TP63: variants seen among roughly 807,000 people sequenced by gnomAD.
TP63 encodes tumor protein 63.
A neutral mutation model predicts 82.8 loss-of-function variants in TP63; 17 were observed. That is an observed-to-expected ratio of 0.21 (90% CI 0.14 to 0.31). TP63 has a LOEUF of 0.31. TP63 is among the 10% of genes least tolerant of loss of function. TP63 has a pLI of 1.00. For synonymous variants in TP63, 330 were observed against 321.7 expected, an observed-to-expected ratio of 1.03 and a Z score of -0.28; for missense variants, 648 against 895.3, an observed-to-expected ratio of 0.72 and a Z score of 3.52.
At chr3:189,647,197 G>T (rs570067920) in intron 1 of TP63, among the ~76,000 whole-genome samples, 1 of 146,648 alleles carries the variant, frequency 6.8e-6, no homozygotes, top group African/African-American at 2.6e-5. Flanking sequence ...GGTAAGGAGG[G>T]TTGCTATAAG....
intron 1 of TP63, among the ~76,000 whole-genome samples, chr3:189,725,108 A>G (rs1464728638): frequency 6.6e-6 from 1 of 152,216 alleles, no homozygotes; most frequent in Non-Finnish European, 1.5e-5. Flanking sequence ...CATTGTGAAA[A>G]AAAGTCTAAA....
chr3:189,876,330 G>A (rs765831745), intron 10 of TP63, among the ~76,000 whole-genome samples: 2 of 152,044 alleles, frequency 1.3e-5, no homozygotes, highest in Non-Finnish European at 2.9e-5. Context: ...AGTGCTTATT[G>A]TCTGACCGGC....
intron 4 of TP63, among the ~76,000 whole-genome samples, chr3:189,834,958 G>T (rs1712918098): frequency 6.7e-6 from 1 of 149,678 alleles, no homozygotes; most frequent in South Asian, 2.1e-4. Flanking sequence ...AGAGAACTGG[G>T]TCATATGTCT....
chr3:189,814,236 A>G (rs914364141), intron 4 of TP63, among the ~76,000 whole-genome samples: 2 of 152,220 alleles, frequency 1.3e-5, no homozygotes, highest in Admixed American at 1.3e-4. Flanking sequence ...GGCCCTCTGG[A>G]ATTTAGAGAC....
chr3:189,779,641 T>C (rs1275027757), intron 3 of TP63, among the ~76,000 whole-genome samples: 1 of 152,232 alleles, frequency 6.6e-6, no homozygotes, highest in Non-Finnish European at 1.5e-5. Context: ...CAGAGTAACC[T>C]GTGTAGCACA....
At chr3:189,650,114 C>G (rs917216399) in intron 1 of TP63, among the ~76,000 whole-genome samples, 13 of 146,612 alleles carry the variant, frequency 8.9e-5, no homozygotes, top group African/African-American at 3.1e-4. Flanking sequence ...ATTGACCTCA[C>G]TTAATTCTTG....
chr3:189,875,601 T>C (rs1329254282), intron 10 of TP63, among the ~76,000 whole-genome samples: 1 of 46,554 alleles, frequency 2.1e-5, no homozygotes, highest in African/African-American at 7.3e-5. Context: ...TACATATATA[T>C]ATATATATAT....
intron 4 of TP63, among the ~76,000 whole-genome samples, chr3:189,822,546 G>A (rs1294230961): frequency 6.6e-6 from 1 of 152,038 alleles, no homozygotes; most frequent in Admixed American, 6.5e-5. Context: ...TAAAATTGTT[G>A]TTCCAGGAAG....
chr3:189,675,464 C>G (rs535321878), intron 1 of TP63, among the ~76,000 whole-genome samples: 2 of 152,032 alleles, frequency 1.3e-5, no homozygotes, highest in South Asian at 4.1e-4. Context: ...TAGAATATAA[C>G]CTAAACATCA....
At chr3:189,893,733 T>G (rs143267775) in intron 13 of TP63, among the ~76,000 whole-genome samples, 4,789 of 152,274 alleles carry the variant, frequency 0.031, 108 homozygotes, top group Middle Eastern at 0.12. Context: ...TGTTTACCAC[T>G]AATCTGGGGA....
chr3:189,739,507 A>T (rs1269269585), intron 3 of TP63, among the ~76,000 whole-genome samples: 1 of 152,222 alleles, frequency 6.6e-6, no homozygotes, highest in Admixed American at 6.5e-5. Context: ...GGAGGAATTT[A>T]TGCACATGAA....
the TP63 span, among the ~76,000 whole-genome samples, chr3:189,623,206 T>C: frequency 6.6e-6 from 1 of 152,210 alleles, no homozygotes; most frequent in Non-Finnish European, 1.5e-5. Context: ...TTGTGGCTTT[T>C]ATGACTTCCT....
intron 10 of TP63, chr3:189,879,920 A>G (rs1719715523): frequency 8.5e-7 from 1 of 1,170,282 alleles, no homozygotes; most frequent in African/African-American, 1.6e-5. Flanking sequence ...GATAAATTGG[A>G]AGAACAAAAA....
At chr3:189,633,172 C>T (rs1460131322) in intron 1 of TP63, among the ~76,000 whole-genome samples, 1 of 151,940 alleles carries the variant, frequency 6.6e-6, no homozygotes, top group Non-Finnish European at 1.5e-5. Context: ...AAGCAAATGT[C>T]ATCTCAGTTT....
chr3:189,744,286 C>G (rs1721211270), intron 3 of TP63, among the ~76,000 whole-genome samples: 1 of 152,182 alleles, frequency 6.6e-6, no homozygotes, highest in African/African-American at 2.4e-5. Flanking sequence ...AAAGAACACA[C>G]TCTCAAAGCA....
intron 3 of TP63, among the ~76,000 whole-genome samples, chr3:189,761,743 A>G (rs981996719): frequency 6.6e-6 from 1 of 152,194 alleles, no homozygotes; most frequent in Non-Finnish European, 1.5e-5. Flanking sequence ...CACTACTGAT[A>G]TAGACATATC....
intron 3 of TP63, among the ~76,000 whole-genome samples, chr3:189,750,915 C>A (rs749389148): frequency 6.6e-6 from 1 of 152,062 alleles, no homozygotes; most frequent in Admixed American, 6.6e-5. Flanking sequence ...GTTTGCTGCA[C>A]CCATCAACTA....
chr3:189,775,389 G>C (rs1422983436), intron 3 of TP63, among the ~76,000 whole-genome samples: 1 of 151,994 alleles, frequency 6.6e-6, no homozygotes, highest in Non-Finnish European at 1.5e-5. Flanking sequence ...CCCAAACCTA[G>C]AGGATTCTGC....
intron 3 of TP63, among the ~76,000 whole-genome samples, chr3:189,792,435 A>G (rs912907001): frequency 1.3e-4 from 19 of 151,806 alleles, no homozygotes; most frequent in African/African-American, 4.6e-4. Flanking sequence ...ACAAAACAAA[A>G]CTGGGCTGTG....
Sources: gnomAD v4.1 joint callset for allele counts (sites outside exome capture counted in the v4.1 genomes callset) on GRCh38, gnomAD v4.1.1 for gene constraint, MANE v1.5 for transcripts, NCBI Gene and HGNC (gene_info 2026-07-23, HGNC 2026-07-21) for gene names.